Variants in MAPK4 observed in about 807,000 individuals in gnomAD.
MAPK4 encodes Erk3-related.
Under a neutral mutation model 47.7 loss-of-function variants are expected in MAPK4, and 22 were observed. That is an observed-to-expected ratio of 0.46 (90% confidence interval 0.33 to 0.66). MAPK4 has a LOEUF of 0.66. Among genes scored for constraint, MAPK4 ranks in the 30% least tolerant of loss-of-function variants. The pLI is 0.02. For missense variants in MAPK4, 736 were observed against 831.7 expected (o/e 0.88, Z 1.42); for synonymous variants, 390 against 365.7 (o/e 1.07, Z -0.76).
intron 1 of MAPK4, among the ~76,000 whole-genome samples, chr18:50,630,315 A>C (rs2042817618): frequency 6.6e-6 from 1 of 152,180 alleles, no homozygotes; most frequent in Non-Finnish European, 1.5e-5. Flanking sequence ...CAGCTTCCTG[A>C]GTAGCTGGGA....
intron 1 of MAPK4, among the ~76,000 whole-genome samples, chr18:50,659,260 G>T (rs1159478646): frequency 1.3e-5 from 2 of 152,180 alleles, no homozygotes. Flanking sequence ...CGATGTGAAT[G>T]GTGCCACCTA....
At chr18:50,646,537 A>C (rs1355007013) in intron 1 of MAPK4, among the ~76,000 whole-genome samples, 1 of 152,188 alleles carries the variant, frequency 6.6e-6, no homozygotes, top group African/African-American at 2.4e-5. Context: ...GCATAGACAA[A>C]GTGGAACTGC....
intron 1 of MAPK4, among the ~76,000 whole-genome samples, chr18:50,575,763 T>A (rs2042289129): frequency 8.3e-6 from 1 of 120,412 alleles, no homozygotes; most frequent in African/African-American, 3.3e-5. Flanking sequence ...ATATCCAGAA[T>A]CTATTAGGAA....
intron 1 of MAPK4, among the ~76,000 whole-genome samples, chr18:50,653,402 T>C (rs2043073275): frequency 1.3e-5 from 2 of 152,250 alleles, no homozygotes; most frequent in African/African-American, 4.8e-5. Context: ...TGAGAAAGGA[T>C]GTCAGTTCCC....
intron 2 of MAPK4, among the ~76,000 whole-genome samples, chr18:50,686,030 A>G (rs189794800): frequency 6.6e-6 from 1 of 150,950 alleles, no homozygotes; most frequent in East Asian, 1.9e-4. Context: ...AAGGCCCCCT[A>G]GAAGTAACTC....
At position 50,660,361 on chromosome 18, in the gene MAPK4, G is replaced by A. The variant is rs542833352; in HGVS notation, c.-870-2728G>A. 6.6e-5 allele frequency among the ~76,000 whole-genome samples: 10 copies of A among 152,292 alleles called. No individual in the cohort carries two copies. In the South Asian group the frequency reaches 1.9e-3, roughly 28 times the overall value. The stretch of plus-strand genomic sequence containing the variant: ...AAATATTAGTTGGTCTGAATGGTTA[G>A]GGCTTGTTGTGAGATGCGCCCTTTG... On this transcript the variant is annotated intron_variant, in intron 1 of 5. Transcript: ENST00000400384.
intron 5 of MAPK4, among the ~76,000 whole-genome samples, chr18:50,727,224 G>A (rs1911250084): frequency 6.6e-6 from 1 of 152,236 alleles, no homozygotes; most frequent in Non-Finnish European, 1.5e-5. Context: ...TTCTGGGAGG[G>A]AGTGCTGGTA....
chr18:50,606,255 TG>T (rs1262591548), intron 1 of MAPK4, among the ~76,000 whole-genome samples: 1 of 151,754 alleles, frequency 6.6e-6, no homozygotes, highest in East Asian at 1.9e-4. Context: ...CAAAGAACAG[TG>T]GGGGAATATT....
chr18:50,680,948 A>T (rs1908552990), intron 2 of MAPK4, among the ~76,000 whole-genome samples: 1 of 152,198 alleles, frequency 6.6e-6, no homozygotes, highest in Admixed American at 6.5e-5. Context: ...TATACCTAGG[A>T]GCGAAATTAC....
intron 1 of MAPK4, among the ~76,000 whole-genome samples, chr18:50,660,248 C>A (rs1281399037): frequency 6.6e-6 from 1 of 152,172 alleles, no homozygotes; most frequent in African/African-American, 2.4e-5. Flanking sequence ...GAGAAATGGT[C>A]AGACAAGAGG....
chr18:50,682,479 G>A (rs1215487724), intron 2 of MAPK4, among the ~76,000 whole-genome samples: 1 of 152,060 alleles, frequency 6.6e-6, no homozygotes, highest in Non-Finnish European at 1.5e-5. Context: ...ACAAAAACCT[G>A]TATAAGAAAA....
At position 50,663,351 on chromosome 18, in the gene MAPK4, T is replaced by A. The variant is rs1009139755; in HGVS notation, c.-608T>A. 1 of 152,138 alleles carries A rather than the reference T, an allele frequency of 6.6e-6. No individual in the cohort carries two copies. The highest frequency in any genetic ancestry group is 2.4e-5 in the African/African-American group (1 of 41,404). The allele number at this position is 152,138 out of a possible 1,614,324, so 9.4% of individuals were successfully genotyped here. A position where few individuals can be genotyped will look rare whatever the true frequency, so the allele number is the denominator to read the frequency against. On this transcript the variant is annotated 5_prime_UTR_variant, in exon 2 of 6. Transcript: ENST00000400384. ...TACCAGACTGGCTCAGGTTTTGGAA[T>A]CTAAGGTGAGCTGGTAGAAACAGGA...
At chr18:50,654,773 G>A (rs188682360) in intron 1 of MAPK4, among the ~76,000 whole-genome samples, 139 of 152,334 alleles carry the variant, frequency 9.1e-4, no homozygotes, top group Admixed American at 1.9e-3. Flanking sequence ...CCCACGCAGG[G>A]ACCCAGATGC....
chr18:50,636,786 C>A (rs2042892771), intron 1 of MAPK4, among the ~76,000 whole-genome samples: 1 of 152,222 alleles, frequency 6.6e-6, no homozygotes, highest in East Asian at 1.9e-4. Context: ...TCAGGAGTTA[C>A]TCTTTTTCAC....
intron 1 of MAPK4, among the ~76,000 whole-genome samples, chr18:50,587,485 T>A (rs914033087): frequency 6.6e-6 from 1 of 152,170 alleles, no homozygotes; most frequent in African/African-American, 2.4e-5. Context: ...TTAAATGTCT[T>A]GTCCAAAGTT....
At chr18:50,599,578 C>T (rs545410077) in intron 1 of MAPK4, among the ~76,000 whole-genome samples, 9 of 152,176 alleles carry the variant, frequency 5.9e-5, no homozygotes, top group South Asian at 2.1e-4. Flanking sequence ...CCACCACACC[C>T]GGCTAATTTT....
At chr18:50,653,045 T>G (rs965411789) in intron 1 of MAPK4, among the ~76,000 whole-genome samples, 1 of 151,974 alleles carries the variant, frequency 6.6e-6, no homozygotes, top group African/African-American at 2.4e-5. Context: ...AAAACCTAGC[T>G]GGACACAGTG....
At chr18:50,628,159 T>C (rs781201271) in intron 1 of MAPK4, among the ~76,000 whole-genome samples, 7 of 152,182 alleles carry the variant, frequency 4.6e-5, no homozygotes, top group African/African-American at 9.7e-5. Flanking sequence ...GTTCAGCTAA[T>C]TGGCAAGAAA....
chr18:50,723,936 G>A (rs1911064028), intron 4 of MAPK4, among the ~76,000 whole-genome samples: 2 of 152,090 alleles, frequency 1.3e-5, no homozygotes, highest in African/African-American at 2.4e-5. Context: ...GGACCTGCAG[G>A]AGGATCAGCT....
Sources: allele counts gnomAD v4.1 joint callset (sites outside exome capture counted in the v4.1 genomes callset), GRCh38; gene constraint gnomAD v4.1.1; transcripts MANE v1.5; gene names NCBI Gene and HGNC (gene_info 2026-07-23, HGNC 2026-07-21).